JPH2: variants seen among roughly 807,000 people sequenced by gnomAD.
The protein encoded by JPH2 is junctophilin 2.
A neutral mutation model predicts 55.9 loss-of-function variants in JPH2; 38 were observed. The observed-to-expected ratio is 0.68, with a 90% CI of 0.52 to 0.89. The LOEUF (loss-of-function observed/expected upper bound fraction) is 0.89, where lower values mean the gene tolerates loss of function less well. Ranked by LOEUF, JPH2 falls within the 40% of genes least tolerant of loss-of-function variation. JPH2 has a pLI of 0.00. For missense variants in JPH2, 964 were observed against 1,037.6 expected, an observed-to-expected ratio of 0.93 and a Z score of 0.97; for synonymous variants, 480 against 472.4, an observed-to-expected ratio of 1.02 and a Z score of -0.21.
intron 1 of JPH2, among the ~76,000 whole-genome samples, chr20:44,162,791 C>T (rs199565056): frequency 0.04 from 2,608 of 65,742 alleles, 13 homozygotes; most frequent in Non-Finnish European, 0.052. Flanking sequence ...TATATATACA[C>T]ACACACACAC....
intron 1 of JPH2, among the ~76,000 whole-genome samples, chr20:44,171,942 G>A (rs1488507350): frequency 6.6e-6 from 1 of 152,198 alleles, no homozygotes; most frequent in Admixed American, 6.5e-5. Context: ...TCCATGCAGG[G>A]ACTCACACAT....
rs565762232 is a variant in JPH2, at chr20:44,148,830, G to A, written c.1169+10788C>T. On this transcript the variant is annotated intron_variant, in intron 2 of 5. Coordinates refer to ENST00000372980, the MANE Select transcript of JPH2 (RefSeq NM_020433.5). ...TGTAATCCCAGCACTTTGGGAGGCCGAGGTGGGTAGATCATGAGGTCAGGA... is the reference window on the plus strand; with the variant it reads ...TGTAATCCCAGCACTTTGGGAGGCCAAGGTGGGTAGATCATGAGGTCAGGA... 1.3e-3 allele frequency among the ~76,000 whole-genome samples: 193 copies of A among 152,226 alleles called. 1 individual carries two copies. The highest frequency in any genetic ancestry group is 3.4e-3 in the Middle Eastern group (1 of 294).
chr20:44,127,484 C>A (rs1180496784), intron 2 of JPH2, among the ~76,000 whole-genome samples: 1 of 142,788 alleles, frequency 7.0e-6, no homozygotes, highest in East Asian at 2.0e-4. Flanking sequence ...TGATATCATC[C>A]TTCTTTTTTT....
rs537128956 is a variant in JPH2, at chr20:44,110,985, G to A, written c.*2533C>T. Among the ~76,000 whole-genome samples, 18 of 152,258 alleles carry A rather than the reference G, an allele frequency of 1.2e-4. No homozygotes were observed. The highest frequency in any genetic ancestry group is 2.6e-4 in the Admixed American group (4 of 15,288). On this transcript the variant is annotated 3_prime_UTR_variant, in exon 6 of 6. Transcript: ENST00000372980. ...AGGGACCTTCTTCTCCAACCCCCTCGCTGGGAACCACCGGCTGTGAGAGTA... is the reference window on the plus strand; with the variant it reads ...AGGGACCTTCTTCTCCAACCCCCTCACTGGGAACCACCGGCTGTGAGAGTA...
chr20:44,157,625 A>G (rs1345939279), intron 2 of JPH2, among the ~76,000 whole-genome samples: 1 of 152,204 alleles, frequency 6.6e-6, no homozygotes, highest in Non-Finnish European at 1.5e-5. Context: ...ACTTGTCTTT[A>G]TAGATGAGAT....
At chr20:44,165,479 C>T (rs1185341068) in intron 1 of JPH2, among the ~76,000 whole-genome samples, 1 of 152,188 alleles carries the variant, frequency 6.6e-6, no homozygotes, top group Non-Finnish European at 1.5e-5. Flanking sequence ...ATACTGGTCT[C>T]CTGATTCCAC....
At chr20:44,133,251 T>A (rs562102667) in intron 2 of JPH2, among the ~76,000 whole-genome samples, 1 of 149,706 alleles carries the variant, frequency 6.7e-6, no homozygotes, top group African/African-American at 2.5e-5. Context: ...ACCCTTGCAA[T>A]AGACCCTTTC....
At chr20:44,122,963 T>C (rs1305660209) in intron 2 of JPH2, among the ~76,000 whole-genome samples, 3 of 152,096 alleles carry the variant, frequency 2.0e-5, no homozygotes, top group East Asian at 1.9e-4. Flanking sequence ...TTTTTGGTCA[T>C]GTGAGCAGAA....
chr20:44,151,302 A>C (rs993229953), intron 2 of JPH2, among the ~76,000 whole-genome samples: 1 of 152,192 alleles, frequency 6.6e-6, no homozygotes, highest in Admixed American at 6.5e-5. Context: ...GGATCACCTG[A>C]GGTCAGGGGT....
chr20:44,122,396 G>A lies in JPH2; in HGVS notation c.1170-3773C>T, dbSNP rs550133845. ...CACTCGCCTCAGGGGCAAAATTTAT[G>A]GGGTTGCCAAAAAACTCAGTGATCA... On this transcript the variant is annotated intron_variant, in intron 2 of 5. Coordinates refer to ENST00000372980, the MANE Select transcript of JPH2 (RefSeq NM_020433.5). 7.9e-5 allele frequency among the ~76,000 whole-genome samples: 12 copies of A among 152,272 alleles called. 1 individual carries two copies. The highest frequency in any genetic ancestry group is 3.3e-4 in the Admixed American group (5 of 15,302).
intron 1 of JPH2, among the ~76,000 whole-genome samples, chr20:44,166,917 A>G (rs1421658255): frequency 2.6e-5 from 4 of 152,116 alleles, no homozygotes; most frequent in Non-Finnish European, 2.9e-5. Flanking sequence ...GGAGATCCCC[A>G]ACAGCCCACA....
intron 1 of JPH2, among the ~76,000 whole-genome samples, chr20:44,163,745 C>T (rs141300120): frequency 7.7e-4 from 118 of 152,304 alleles, no homozygotes; most frequent in South Asian, 1.4e-3. Flanking sequence ...ATTAGAAGCA[C>T]CAGTGAAACT....
intron 2 of JPH2, among the ~76,000 whole-genome samples, chr20:44,141,079 A>C (rs1333190812): frequency 6.6e-6 from 1 of 152,166 alleles, no homozygotes; most frequent in East Asian, 1.9e-4. Context: ...GTGACCAGGG[A>C]AGACTCGGGA....
chr20:44,181,118 C>T (rs2145899421), intron 1 of JPH2, among the ~76,000 whole-genome samples: 1 of 152,180 alleles, frequency 6.6e-6, no homozygotes, highest in Non-Finnish European at 1.5e-5. Context: ...CCCACCTTCC[C>T]CTTCCCATGC....
chr20:44,176,373 G>C (rs887649136), intron 1 of JPH2, among the ~76,000 whole-genome samples: 3 of 145,820 alleles, frequency 2.1e-5, no homozygotes, highest in African/African-American at 7.7e-5. Context: ...GCCCAGGCTG[G>C]TCTTGAACTC....
rs753733872 is a variant in JPH2 at position 44,156,035 on chromosome 20, C to CAAAAA, written c.1169+3578_1169+3582dup. 1.7e-3 allele frequency among the ~76,000 whole-genome samples: 213 copies of CAAAAA among 124,264 alleles called. 6 individuals are homozygous for CAAAAA. The highest frequency in any genetic ancestry group is 5.2e-3 in the East Asian group (23 of 4,420). 81.5% of individuals were successfully genotyped at this position (124,264 alleles called of 152,430 possible). On this transcript the variant is annotated intron_variant, in intron 2 of 5. Transcript: ENST00000372980. Reference sequence around the variant, plus strand: ...TGGGCAACACAGTGAGACCCTGCCTCAAAAAAAAAAAAAACTGTCAAGGAC... The same window carrying CAAAAA: ...TGGGCAACACAGTGAGACCCTGCCTCAAAAAAAAAAAAAAAAAAACTGTCAAGGAC...
chr20:44,128,006 A>G (rs1170334022), intron 2 of JPH2, among the ~76,000 whole-genome samples: 1 of 152,154 alleles, frequency 6.6e-6, no homozygotes, highest in Non-Finnish European at 1.5e-5. Flanking sequence ...TTCTTTATAT[A>G]TTCTTATGCA....
intron 1 of JPH2, among the ~76,000 whole-genome samples, chr20:44,185,496 A>G (rs1383885826): frequency 2.0e-5 from 3 of 151,756 alleles, no homozygotes; most frequent in Admixed American, 6.6e-5. Flanking sequence ...TTAGCCAGGC[A>G]TGGTGGTGCA....
intron 2 of JPH2, among the ~76,000 whole-genome samples, chr20:44,149,298 A>T (rs1285182340): frequency 6.6e-6 from 1 of 152,024 alleles, no homozygotes; most frequent in Non-Finnish European, 1.5e-5. Context: ...AGCCCTTGCC[A>T]TACTCTCGCT....
Sources: allele counts gnomAD v4.1 joint callset (sites outside exome capture counted in the v4.1 genomes callset), GRCh38; gene constraint gnomAD v4.1.1; transcripts MANE v1.5; gene names NCBI Gene and HGNC (gene_info 2026-07-23, HGNC 2026-07-21).